Variants in KLHL4 observed in about 807,000 individuals in gnomAD.
KLHL4 encodes the protein kelch like family member 4.
Under a neutral mutation model 45.8 loss-of-function variants are expected in KLHL4, and 17 were observed. The observed-to-expected ratio is 0.37, with a 90% CI of 0.25 to 0.56. The LOEUF (loss-of-function observed/expected upper bound fraction) is 0.56, where lower values mean the gene tolerates loss of function less well. Among genes scored for constraint, KLHL4 ranks in the 20% least tolerant of loss-of-function variants. KLHL4 has a pLI of 0.79. For synonymous variants in KLHL4, 224 were observed against 189.9 expected, an observed-to-expected ratio of 1.18 and a Z score of -1.47; for missense variants, 544 against 544.9, an observed-to-expected ratio of 1.00 and a Z score of 0.02.
chrX:87,600,232 A>C (rs1418459522), intron 1 of KLHL4, among the ~76,000 whole-genome samples: 1 of 110,978 alleles, frequency 9.0e-6, no homozygotes, highest in Admixed American at 9.6e-5. Flanking sequence ...CACACCTGTA[A>C]TCCCACCACT....
intron 1 of KLHL4, among the ~76,000 whole-genome samples, chrX:87,567,132 A>C (rs1355263468): frequency 9.0e-6 from 1 of 111,368 alleles, no homozygotes; most frequent in African/African-American, 3.3e-5. Flanking sequence ...ACTAAGGATT[A>C]GAGGGGATCT....
chrX:87,646,533 G>A (rs1305169673), intron 9 of KLHL4, among the ~76,000 whole-genome samples: 2 of 111,531 alleles, frequency 1.8e-5, no homozygotes, highest in African/African-American at 3.3e-5. Flanking sequence ...AATGGTACTG[G>A]TATAAAACTA....
chrX:87,633,783 A>G lies in KLHL4; in HGVS notation c.1584A>G (p.Val528=), dbSNP rs1414617064. The G allele has an allele frequency of 8.3e-7, 1 of 1,205,372 alleles. No individual in the cohort carries two copies. The change falls in exon 8 of 11, where the codon GTA becomes GTG. Residue 528 remains valine, a synonymous_variant. Transcript: ENST00000373119. Reference sequence around the variant, plus strand: ...CTCTTGAAGGACCAATGTATGCTGTAGGTGGTCATGATGGATGGAGCTATC... The same window carrying G: ...CTCTTGAAGGACCAATGTATGCTGTGGGTGGTCATGATGGATGGAGCTATC... ...VATLEGPMYA[V]GGHDGWSYLN...
At chrX:87,553,151 C>T (rs2147780108) in intron 1 of KLHL4, among the ~76,000 whole-genome samples, 1 of 110,072 alleles carries the variant, frequency 9.1e-6, no homozygotes, top group East Asian at 2.9e-4. Flanking sequence ...TCAGTTTGGG[C>T]TTTGATAATG....
At chrX:87,560,271 C>G (rs762857412) in intron 1 of KLHL4, among the ~76,000 whole-genome samples, 50 of 112,000 alleles carry the variant, frequency 4.5e-4, no homozygotes, top group Non-Finnish European at 7.2e-4. Flanking sequence ...CTACCCTTAT[C>G]CGTGTAGCTA....
intron 1 of KLHL4, among the ~76,000 whole-genome samples, chrX:87,604,264 G>A (rs539711752): frequency 1.2e-3 from 129 of 110,485 alleles, no homozygotes; most frequent in South Asian, 6.1e-3. Flanking sequence ...TAGTGGGATT[G>A]AAAGATCCTA....
chrX:87,613,877 A>G lies in KLHL4; in HGVS notation c.423A>G (p.Arg141=). Residue 141 remains arginine (R), a splice_region_variant and synonymous_variant, in exon 2 of 11, where the codon AGA becomes AGG. Transcript: ENST00000373119. ...ATTCTCATCCTTACTTCCTTTTCAG[A>G]TTAGATACACAACACTCTGAAGACA... ...ADDNIEDSTA[R]LDTQHSEDMN... is the part of the protein sequence containing the mutation. 1 of 1,170,583 alleles carries G rather than the reference A, an allele frequency of 8.5e-7. No individual in the cohort carries two copies. The highest frequency in any genetic ancestry group is 2.1e-5 in the South Asian group (1 of 48,415).
At chrX:87,600,820 AT>A (rs1452839925) in intron 1 of KLHL4, among the ~76,000 whole-genome samples, 7 of 111,103 alleles carry the variant, frequency 6.3e-5, no homozygotes, top group Non-Finnish European at 1.1e-4. Flanking sequence ...AATACTGTTT[AT>A]TTTCGTGTAT....
intron 1 of KLHL4, among the ~76,000 whole-genome samples, chrX:87,586,256 C>A (rs1921466884): frequency 9.0e-6 from 1 of 110,944 alleles, no homozygotes; most frequent in Non-Finnish European, 1.9e-5. Context: ...GAGACTTAAT[C>A]TGCACTGAAG....
intron 1 of KLHL4, among the ~76,000 whole-genome samples, chrX:87,560,059 G>C (rs1602417064): frequency 8.9e-6 from 1 of 111,762 alleles, no homozygotes; most frequent in East Asian, 2.8e-4. Flanking sequence ...TACGTAGCTA[G>C]TTGTTCCTCT....
chrX:87,659,530 G>A (rs1924114368), intron 9 of KLHL4, among the ~76,000 whole-genome samples: 1 of 110,404 alleles, frequency 9.1e-6, no homozygotes, highest in Non-Finnish European at 1.9e-5. Flanking sequence ...TCCCTCTACT[G>A]AATTTTTAAA....
chrX:87,667,659 T>C lies in KLHL4; in HGVS notation c.*1125T>C. ...GGCTAGTTGAATAGTATTTTATGTG[T>C]AATTCTTCCATTTATTCTGTTTAAT... is the stretch of plus-strand genomic sequence containing the variant. On this transcript the variant is annotated 3_prime_UTR_variant, in exon 11 of 11. Transcript: ENST00000373119. 1.7e-6 allele frequency: 1 copy of C among 593,467 alleles called. No individual in the cohort carries two copies. Among genetic ancestry groups the C allele is most frequent in the Non-Finnish European group, 2.0e-6 (1 of 492,945 alleles). 48.9% of individuals were successfully genotyped at this position (593,467 alleles called of 1,213,427 possible).
chrX:87,586,124 A>C (rs1453956412), intron 1 of KLHL4, among the ~76,000 whole-genome samples: 1 of 111,635 alleles, frequency 9.0e-6, no homozygotes, highest in Non-Finnish European at 1.9e-5. Flanking sequence ...ACAGATACAT[A>C]AAACAAATAT....
At chrX:87,659,712 G>A (rs750600314) in intron 9 of KLHL4, among the ~76,000 whole-genome samples, 1 of 111,192 alleles carries the variant, frequency 9.0e-6, no homozygotes, top group Non-Finnish European at 1.9e-5. Flanking sequence ...GACTTAATTT[G>A]TTATTTTAAA....
At chrX:87,606,270 C>T (rs1922193685) in intron 1 of KLHL4, among the ~76,000 whole-genome samples, 1 of 109,995 alleles carries the variant, frequency 9.1e-6, no homozygotes, top group Non-Finnish European at 1.9e-5. Flanking sequence ...TTTCTATATT[C>T]TGGATTAGTT....
intron 1 of KLHL4, among the ~76,000 whole-genome samples, chrX:87,526,122 G>A (rs1164537788): frequency 2.7e-5 from 3 of 111,925 alleles, no homozygotes; most frequent in Non-Finnish European, 5.6e-5. Flanking sequence ...AGCACAGTGA[G>A]ACTTAGGTGT....
At chrX:87,636,065 C>T (rs1269135125) in intron 9 of KLHL4, among the ~76,000 whole-genome samples, 1 of 111,299 alleles carries the variant, frequency 9.0e-6, no homozygotes, top group African/African-American at 3.3e-5. Flanking sequence ...CATTTTTAAA[C>T]AACCAGAAAG....
chrX:87,539,122 A>G (rs1384280208), intron 1 of KLHL4, among the ~76,000 whole-genome samples: 1 of 111,166 alleles, frequency 9.0e-6, no homozygotes, highest in Non-Finnish European at 1.9e-5. Context: ...TCGATTCTGT[A>G]TATTATACAT....
At chrX:87,646,009 C>T (rs1215968154) in intron 9 of KLHL4, among the ~76,000 whole-genome samples, 3 of 110,798 alleles carry the variant, frequency 2.7e-5, no homozygotes, top group Admixed American at 9.6e-5. Context: ...AAAGAACTTA[C>T]TCATGTAACG....
Sources: allele counts gnomAD v4.1 joint callset (sites outside exome capture counted in the v4.1 genomes callset), GRCh38; gene constraint gnomAD v4.1.1; transcripts MANE v1.5; gene names NCBI Gene and HGNC (gene_info 2026-07-23, HGNC 2026-07-21).